CENPP: variants seen among roughly 807,000 people sequenced by gnomAD.
CENPP encodes centromere protein P.
A neutral mutation model predicts 35.6 loss-of-function variants in CENPP; 24 were observed. The observed-to-expected ratio is 0.67, with a 90% CI of 0.49 to 0.95. The LOEUF is 0.95. CENPP is among the 40% of genes least tolerant of loss of function. CENPP has a pLI of 0.00. For synonymous variants in CENPP, 120 were observed against 125.5 expected (o/e 0.96, Z 0.29); for missense variants, 332 against 345.3 (o/e 0.96, Z 0.31).
At chr9:92,513,387 T>C (rs915545702) in intron 5 of CENPP, among the ~76,000 whole-genome samples, 6 of 152,248 alleles carry the variant, frequency 3.9e-5, no homozygotes, top group African/African-American at 1.4e-4. Flanking sequence ...TAGAGAACTG[T>C]GGGGCATTTT....
chr9:92,329,590 A>G (rs1354607871), intron 1 of CENPP, among the ~76,000 whole-genome samples: 1 of 151,896 alleles, frequency 6.6e-6, no homozygotes, highest in Non-Finnish European at 1.5e-5. Context: ...GCTGAAGTGC[A>G]GTGGCATGAT....
intron 5 of CENPP, among the ~76,000 whole-genome samples, chr9:92,547,208 A>G (rs901435568): frequency 1.3e-5 from 2 of 152,244 alleles, no homozygotes; most frequent in Non-Finnish European, 2.9e-5. Context: ...AAAAGAATAA[A>G]GAAAGCAAAT....
intron 5 of CENPP, among the ~76,000 whole-genome samples, chr9:92,393,556 C>G (rs1460991670): frequency 6.6e-6 from 1 of 152,096 alleles, no homozygotes; most frequent in Admixed American, 6.5e-5. Flanking sequence ...ATGAGCTTGA[C>G]TTATTAAGTT....
In CENPP at chr9:92,585,684, G is replaced by A. The variant is rs1219961810; in HGVS notation, c.565-25630G>A. Among the ~76,000 whole-genome samples the A allele has an allele frequency of 2.0e-5, 3 of 152,130 alleles. No homozygotes were observed. The East Asian group carries it at 5.8e-4, about 29-fold the overall frequency. On this transcript the variant is annotated intron_variant, in intron 5 of 7. Transcript: ENST00000375587. ...GACAGTATAAACTTTCGGAACTCTG[G>A]AATCTAAAATTGACAGAATAAACTT...
intron 5 of CENPP, among the ~76,000 whole-genome samples, chr9:92,586,257 C>G (rs1442415993): frequency 6.6e-6 from 1 of 152,136 alleles, no homozygotes; most frequent in Non-Finnish European, 1.5e-5. Flanking sequence ...GTTGGCCAGG[C>G]TGTTCTCAAA....
At chr9:92,373,599 G>T (rs1403406092) in intron 4 of CENPP, among the ~76,000 whole-genome samples, 1 of 152,110 alleles carries the variant, frequency 6.6e-6, no homozygotes, top group East Asian at 1.9e-4. Flanking sequence ...AGCCCGAGGT[G>T]GGCGGATCAT....
intron 5 of CENPP, among the ~76,000 whole-genome samples, chr9:92,408,446 A>G (rs1194631113): frequency 1.3e-5 from 2 of 152,132 alleles, no homozygotes; most frequent in African/African-American, 4.8e-5. Flanking sequence ...GGCCTCCCAA[A>G]GTACTGGGAT....
At chr9:92,551,953 G>GATATATATATATATATATATATATATGAT (rs373483608) in intron 5 of CENPP, among the ~76,000 whole-genome samples, 1 of 108,136 alleles carries the variant, frequency 9.2e-6, no homozygotes, top group African/African-American at 4.4e-5. Flanking sequence ...ATATATATAT[G>GATATATATATATATATATATATATATGAT]ATATATATAT....
At chr9:92,610,927 G>C (rs1185677694) in intron 5 of CENPP, 1 of 239,940 alleles carries the variant, frequency 4.2e-6, no homozygotes, top group Non-Finnish European at 8.1e-6. Context: ...TTCCAGCAAA[G>C]AGCCTGACGC....
chr9:92,477,872 T>C (rs1588164695), intron 5 of CENPP, among the ~76,000 whole-genome samples: 2 of 152,192 alleles, frequency 1.3e-5, no homozygotes, highest in East Asian at 3.8e-4. Flanking sequence ...ATGTAAACTG[T>C]ATATACTGTG....
chr9:92,355,462 C>T (rs1841566251), intron 4 of CENPP, among the ~76,000 whole-genome samples: 1 of 152,066 alleles, frequency 6.6e-6, no homozygotes, highest in Non-Finnish European at 1.5e-5. Context: ...GCAGAGCCTC[C>T]CAGTATGCAC....
intron 5 of CENPP, chr9:92,523,035 A>T: frequency 1.2e-6 from 1 of 820,050 alleles, no homozygotes; most frequent in Non-Finnish European, 1.8e-6. Flanking sequence ...CTATAGTATT[A>T]TTGCCAAATC....
At chr9:92,372,332 G>C (rs1017448311) in intron 4 of CENPP, among the ~76,000 whole-genome samples, 3 of 151,826 alleles carry the variant, frequency 2.0e-5, no homozygotes, top group African/African-American at 7.3e-5. Context: ...TATCTTTTAA[G>C]AAGAGAATTT....
At chr9:92,604,175 C>T (rs941136812) in intron 5 of CENPP, among the ~76,000 whole-genome samples, 13 of 152,294 alleles carry the variant, frequency 8.5e-5, no homozygotes, top group Admixed American at 7.2e-4. Context: ...ATGTTAGTTC[C>T]AGTTGTTCCA....
At chr9:92,522,809 CAA>C in intron 5 of CENPP, 1 of 1,612,082 alleles carries the variant, frequency 6.2e-7, no homozygotes. Context: ...TCATTTTTTC[CAA>C]AGTCAGTTTG....
intron 4 of CENPP, among the ~76,000 whole-genome samples, chr9:92,369,964 A>G (rs913277014): frequency 1.3e-5 from 2 of 152,092 alleles, no homozygotes; most frequent in African/African-American, 4.8e-5. Flanking sequence ...TTTTATATGT[A>G]GCCTGTATTA....
intron 5 of CENPP, chr9:92,600,267 C>T: frequency 2.1e-6 from 3 of 1,418,774 alleles, no homozygotes; most frequent in Non-Finnish European, 1.8e-6. Flanking sequence ...TTTGCTGTCT[C>T]CTGCCCTGGC....
At position 92,361,140 on chromosome 9, in the gene CENPP, A is replaced by AT. The variant is rs1223768143; in HGVS notation, c.467+15356dup. ...TTTTATTATTTTACTTTATTTATTT[A>AT]TTTATTTATTTATTTATTGAGATGG... On this transcript the variant is annotated intron_variant, in intron 4 of 7. Transcript: ENST00000375587. Among the ~76,000 whole-genome samples, 6 of 150,556 alleles carry AT rather than the reference A, an allele frequency of 4.0e-5. No individual in the cohort carries two copies. In the East Asian group the frequency reaches 1.2e-3, roughly 30 times the overall value.
At chr9:92,579,592 GCTCT>G (rs1408383969) in intron 5 of CENPP, among the ~76,000 whole-genome samples, 5 of 151,594 alleles carry the variant, frequency 3.3e-5, no homozygotes, top group African/African-American at 1.2e-4. Flanking sequence ...TCATGATTTG[GCTCT>G]CTGTTTGTCT....
Sources: gnomAD v4.1 joint callset for allele counts (sites outside exome capture counted in the v4.1 genomes callset) on GRCh38, gnomAD v4.1.1 for gene constraint, MANE v1.5 for transcripts, NCBI Gene and HGNC (gene_info 2026-07-23, HGNC 2026-07-21) for gene names.